The following WDTC1 variants were observed in gnomAD, a reference collection of about 807,000 sequenced individuals.
The protein encoded by WDTC1 is WD and tetratricopeptide repeats 1, also known as WD and tetratricopeptide repeats protein 1.
In WDTC1, 12 loss-of-function variants were observed where a neutral mutation model predicts 76.0. That is an observed-to-expected ratio of 0.16 (90% CI 0.10 to 0.26). The LOEUF (loss-of-function observed/expected upper bound fraction) is 0.26. Ranked by LOEUF, WDTC1 falls within the 10% of genes least tolerant of loss-of-function variation. WDTC1 has a pLI of 1.00. For synonymous variants in WDTC1, 326 were observed against 350.8 expected (o/e 0.93, Z 0.79); for missense variants, 511 against 908.8 (o/e 0.56, Z 5.63).
chr1:27,244,574 G>A (rs1011051698), intron 1 of WDTC1, among the ~76,000 whole-genome samples: 5 of 151,984 alleles, frequency 3.3e-5, no homozygotes, highest in Admixed American at 6.6e-5. Flanking sequence ...TCGACCTCCC[G>A]GCCTTCAAGT....
At chr1:27,287,369 TTTG>T (rs200307255) in intron 5 of WDTC1, among the ~76,000 whole-genome samples, 3,558 of 152,050 alleles carry the variant, frequency 0.023, 60 homozygotes, top group Non-Finnish European at 0.034. Context: ...TGTTTTGTTT[TTTG>T]TTGTTGTTGT....
Position 27,234,893 on chromosome 1 carries a change from CG to C in WDTC1, c.-156del. On this transcript the variant is annotated 5_prime_UTR_variant, in exon 1 of 16. Coordinates refer to ENST00000319394, the MANE Select transcript of WDTC1 (RefSeq NM_001276252.2). ...TTCCCGGGAGAGGGGCCGCCCCCCC[CG>C]GACGGACATGGGCTCCTGAAGTTGC... The C allele has an allele frequency of 5.1e-6, 2 of 395,598 alleles. No individual in the cohort carries two copies. The highest frequency in any genetic ancestry group is 8.9e-6 in the Non-Finnish European group (2 of 224,132). The allele number at this position is 395,598 out of a possible 1,614,324, so 24.5% of individuals were successfully genotyped here.
intron 3 of WDTC1, among the ~76,000 whole-genome samples, chr1:27,264,768 G>A (rs961439927): frequency 2.6e-5 from 4 of 151,892 alleles, no homozygotes; most frequent in African/African-American, 7.3e-5. Context: ...GAATTCAGGC[G>A]TGAACCACCT....
intron 1 of WDTC1, among the ~76,000 whole-genome samples, chr1:27,235,394 C>CTG (rs139665541): frequency 0.046 from 6,447 of 141,140 alleles, 161 homozygotes; most frequent in Non-Finnish European, 0.058. Flanking sequence ...CTCTCTCTTT[C>CTG]TGTGTGTGTG....
chr1:27,279,739 T>A (rs1022197018), intron 3 of WDTC1, among the ~76,000 whole-genome samples: 4 of 152,036 alleles, frequency 2.6e-5, no homozygotes, highest in African/African-American at 2.4e-5. Context: ...GCTAATTTTT[T>A]AAATTTTTGT....
Position 27,294,646 on chromosome 1 carries a change from G to A in WDTC1, c.873+17G>A, listed in dbSNP as rs2013634511. 6.2e-7 allele frequency: 1 copy of A among 1,611,310 alleles called. No homozygotes were observed. The highest frequency in any genetic ancestry group is 8.5e-7 in the Non-Finnish European group (1 of 1,177,794). On this transcript the variant is annotated intron_variant, in intron 9 of 15. Coordinates refer to ENST00000319394, the MANE Select transcript of WDTC1 (RefSeq NM_001276252.2). ...GGGGAACAGGTATGTACAGCATAAG[G>A]TGGTTCTGCCCCATCACCATTCCAT...
At chr1:27,248,322 T>C (rs2147911424) in intron 1 of WDTC1, among the ~76,000 whole-genome samples, 1 of 152,350 alleles carries the variant, frequency 6.6e-6, no homozygotes, top group Non-Finnish European at 1.5e-5. Flanking sequence ...CTGTTATTTT[T>C]TGACTTTTTA....
At chr1:27,282,470 A>G (rs951509735) in intron 4 of WDTC1, among the ~76,000 whole-genome samples, 185 bp downstream of exon 4, 5 of 152,164 alleles carry the variant, frequency 3.3e-5, no homozygotes, top group Admixed American at 2.6e-4. Context: ...AGATAGATGG[A>G]AAGTTGGATG....
chr1:27,234,498 G>T (rs1376353339), upstream of WDTC1: 1 of 338,650 alleles, frequency 3.0e-6, no homozygotes, highest in Non-Finnish European at 5.3e-6. Flanking sequence ...AGCAGACGTT[G>T]ACCGGGCGCG....
At chr1:27,276,621 A>G (rs2013035036) in intron 3 of WDTC1, among the ~76,000 whole-genome samples, 1 of 151,656 alleles carries the variant, frequency 6.6e-6, no homozygotes, top group African/African-American at 2.4e-5. Flanking sequence ...TGAACCCAGG[A>G]GGAGGAGATT....
chr1:27,273,957 T>G (rs2012949959), intron 3 of WDTC1, among the ~76,000 whole-genome samples: 1 of 152,118 alleles, frequency 6.6e-6, no homozygotes, highest in African/African-American at 2.4e-5. Context: ...ACTTTTTATG[T>G]TTGAAATTGT....
intron 5 of WDTC1, among the ~76,000 whole-genome samples, chr1:27,283,751 T>C (rs544537457): frequency 6.6e-6 from 1 of 152,348 alleles, no homozygotes; most frequent in South Asian, 2.1e-4. Context: ...GACTCCCTTA[T>C]CTGCTTCTTG....
At chr1:27,260,528 A>G (rs983575651) in intron 1 of WDTC1, among the ~76,000 whole-genome samples, 21 of 152,304 alleles carry the variant, frequency 1.4e-4, no homozygotes, top group African/African-American at 4.8e-4. Context: ...TGTCTGTGAT[A>G]CTGATTTGGT....
At chr1:27,239,028 G>T (rs2011557102) in intron 1 of WDTC1, among the ~76,000 whole-genome samples, 1 of 147,886 alleles carries the variant, frequency 6.8e-6, no homozygotes, top group African/African-American at 2.5e-5. Context: ...TTATGAGACA[G>T]GGTAGATGGG....
chr1:27,253,304 T>G (rs942100934), intron 1 of WDTC1, among the ~76,000 whole-genome samples: 5 of 150,964 alleles, frequency 3.3e-5, no homozygotes, highest in African/African-American at 9.9e-5. Flanking sequence ...TGTGAGCCAC[T>G]GCGCCCGGCC....
intron 7 of WDTC1, 48 bp downstream of exon 7, chr1:27,292,445 A>C (rs1329744982): frequency 6.8e-7 from 1 of 1,469,790 alleles, no homozygotes; most frequent in Non-Finnish European, 9.1e-7. Context: ...TCCCCAGAGA[A>C]CCTACTGCCC....
rs111640158 is a variant in WDTC1 at position 27,298,357 on chromosome 1, A to G, written c.1232+246A>G. Among the ~76,000 whole-genome samples, 8 of 152,358 alleles carry G rather than the reference A, an allele frequency of 5.3e-5. 1 individual carries two copies. The highest frequency in any genetic ancestry group is 1.9e-4 in the African/African-American group (8 of 41,584). Reference sequence around the variant, plus strand: ...CTCACAGTTACGTGGAACATGTTCAAAACTAGTTTCTACATGGCATATTAT... The same window carrying G: ...CTCACAGTTACGTGGAACATGTTCAGAACTAGTTTCTACATGGCATATTAT... On this transcript the variant is annotated intron_variant, in intron 12 of 15. Transcript: ENST00000319394.
At position 27,305,012 on chromosome 1, in the gene WDTC1, A is replaced by G. The variant is rs2013919167; in HGVS notation, c.1655A>G (p.Tyr552Cys). 1 of 1,613,688 alleles carries G rather than the reference A, an allele frequency of 6.2e-7. No individual in the cohort carries two copies. Among genetic ancestry groups the G allele is most frequent in the Admixed American group, 1.7e-5 (1 of 59,968 alleles). Residue 552 changes from tyrosine (Y) to cysteine (C), a missense_variant, in exon 15 of 16, where the codon TAT (tyrosine) becomes TGT (cysteine). Physicochemically the swap from Tyr to Cys is radical, Grantham distance 194 (BLOSUM62 -2). Coordinates refer to ENST00000319394, the MANE Select transcript of WDTC1 (RefSeq NM_001276252.2). The surrounding 1 kb of genome is among the most constrained non-coding windows in gnomAD (Gnocchi z 4.6). ...EANFFGSNAQ[Y>C]IVSGSDDGSF... ...TGCCCCCCCGCCAGCAACGCTCAGT[A>G]TATCGTCAGTGGCTCTGACGATGGC...
At chr1:27,300,917 G>T (rs1331873369) in intron 12 of WDTC1, among the ~76,000 whole-genome samples, 1 of 152,238 alleles carries the variant, frequency 6.6e-6, no homozygotes, top group African/African-American at 2.4e-5. Context: ...CAGGCCTTCT[G>T]CTGCAGAGCT....
Sources: allele counts gnomAD v4.1 joint callset (sites outside exome capture counted in the v4.1 genomes callset), GRCh38; gene constraint gnomAD v4.1.1; non-coding constraint Gnocchi (gnomAD v3.1); transcripts MANE v1.5; gene names NCBI Gene and HGNC (gene_info 2026-07-23, HGNC 2026-07-21).